Variants in FTO observed in about 807,000 individuals in gnomAD.
FTO encodes FTO alpha-ketoglutarate dependent dioxygenase.
Under a neutral mutation model 63.9 loss-of-function variants are expected in FTO, and 47 were observed. That is an observed-to-expected ratio of 0.74 (90% CI 0.58 to 0.94). The LOEUF is 0.94. Among genes scored for constraint, FTO ranks in the 40% least tolerant of loss-of-function variants. FTO has a pLI of 0.00. For missense variants in FTO, 562 were observed against 618.1 expected (o/e 0.91, Z 0.96); for synonymous variants, 207 against 224.4 (o/e 0.92, Z 0.69).
chr16:54,060,546 G>A (rs2144384081), intron 8 of FTO, among the ~76,000 whole-genome samples: 1 of 152,300 alleles, frequency 6.6e-6, no homozygotes, highest in East Asian at 1.9e-4. Context: ...GTAGTGCTGG[G>A]ATTTGAATCC....
intron 1 of FTO, among the ~76,000 whole-genome samples, chr16:53,762,530 G>T (rs903254993): frequency 6.6e-6 from 1 of 152,112 alleles, no homozygotes; most frequent in Non-Finnish European, 1.5e-5. Flanking sequence ...TATAAGCACC[G>T]AGTGAATGAT....
chr16:54,010,419 CCAAA>C (rs1175971437), intron 8 of FTO, among the ~76,000 whole-genome samples: 1 of 152,044 alleles, frequency 6.6e-6, no homozygotes, highest in Non-Finnish European at 1.5e-5. Context: ...AACCGACCAG[CCAAA>C]CAAACAAACA....
Position 53,810,169 on chromosome 16 carries a change from C to T in FTO, c.75C>T (p.Asp25=), listed in dbSNP as rs750855307. The T allele has an allele frequency of 6.2e-7, 1 of 1,611,538 alleles. No homozygotes were observed. Among genetic ancestry groups the T allele is most frequent in the Non-Finnish European group, 8.5e-7 (1 of 1,178,290 alleles). The change falls in exon 2 of 9, where the codon GAC becomes GAT. Residue 25 remains aspartate, a synonymous_variant. Coordinates refer to ENST00000471389, the MANE Select transcript of FTO (RefSeq NM_001080432.3). ...TGAGGCTTCTTGAAGAGCTTGAAGA[C>T]ACTTGGCTCCCTTATCTGACCCCCA... is the stretch of plus-strand genomic sequence containing the variant. ...KKLRLLEELE[D]TWLPYLTPKD... is the part of the protein sequence containing the mutation.
intron 8 of FTO, among the ~76,000 whole-genome samples, chr16:54,051,191 A>G (rs2085303994): frequency 6.6e-6 from 1 of 152,216 alleles, no homozygotes; most frequent in South Asian, 2.1e-4. Flanking sequence ...GGGAAAGGGT[A>G]AATGTTGCTA....
intron 1 of FTO, among the ~76,000 whole-genome samples, chr16:53,725,639 A>T (rs1262266868): frequency 6.6e-6 from 1 of 152,228 alleles, no homozygotes; most frequent in Non-Finnish European, 1.5e-5. Flanking sequence ...TAGGGCAATT[A>T]GTTGACCTTT....
intron 7 of FTO, among the ~76,000 whole-genome samples, chr16:53,895,276 T>G (rs1485713232): frequency 2.0e-5 from 3 of 152,204 alleles, no homozygotes; most frequent in African/African-American, 4.8e-5. Flanking sequence ...TCTGTACCTT[T>G]AGTAAGGAAT....
chr16:53,741,972 C>T (rs556174114), intron 1 of FTO, among the ~76,000 whole-genome samples: 1 of 152,264 alleles, frequency 6.6e-6, no homozygotes, highest in South Asian at 2.1e-4. Flanking sequence ...GAATCAATTC[C>T]TTGCCACGTT....
chr16:53,975,646 C>T (rs1345774680), intron 8 of FTO, among the ~76,000 whole-genome samples: 1 of 149,972 alleles, frequency 6.7e-6, no homozygotes, highest in African/African-American at 2.5e-5. Context: ...ATCTTACCCT[C>T]ATCCTGTCAT....
At chr16:53,797,134 A>G (rs2078096826) in intron 1 of FTO, among the ~76,000 whole-genome samples, 1 of 152,218 alleles carries the variant, frequency 6.6e-6, no homozygotes, top group Non-Finnish European at 1.5e-5. Flanking sequence ...CAAAATTGTG[A>G]GACAGGCACA....
chr16:53,857,943 T>A lies in FTO; in HGVS notation c.895+13645T>A, dbSNP rs2080055677. 3.3e-5 allele frequency among the ~76,000 whole-genome samples: 5 copies of A among 152,224 alleles called. No homozygotes were observed. The South Asian group carries it at 1.0e-3, about 32-fold the overall frequency. Reference sequence around the variant, plus strand: ...TTTTTAAACCAGTTTTTAACAATTATTTTCAAGAACTGTTTAGTGATAAGA... The same window carrying A: ...TTTTTAAACCAGTTTTTAACAATTAATTTCAAGAACTGTTTAGTGATAAGA... On this transcript the variant is annotated intron_variant, in intron 4 of 8. Coordinates refer to ENST00000471389, the MANE Select transcript of FTO (RefSeq NM_001080432.3).
At chr16:53,811,240 A>G (rs2078512012) in intron 2 of FTO, among the ~76,000 whole-genome samples, 1 of 152,232 alleles carries the variant, frequency 6.6e-6, no homozygotes, top group Non-Finnish European at 1.5e-5. Flanking sequence ...CCCTCTGGGC[A>G]TGTAAAAATA....
chr16:53,830,244 T>C (rs1270452879), intron 3 of FTO, among the ~76,000 whole-genome samples: 1 of 152,238 alleles, frequency 6.6e-6, no homozygotes, highest in Non-Finnish European at 1.5e-5. Context: ...ATTGAAATGG[T>C]ACAATTTTTA....
At chr16:53,937,165 G>A (rs1200579415) in intron 8 of FTO, 1 of 398,328 alleles carries the variant, frequency 2.5e-6, no homozygotes, top group Non-Finnish European at 4.4e-6. Flanking sequence ...TCTGAGTGCT[G>A]TGGGTTTCCT....
At chr16:54,075,269 T>C (rs2085965311) in intron 8 of FTO, among the ~76,000 whole-genome samples, 1 of 152,308 alleles carries the variant, frequency 6.6e-6, no homozygotes, top group African/African-American at 2.4e-5. Flanking sequence ...GAATATCTGT[T>C]GGTAATGGCA....
At chr16:53,756,249 C>T (rs907205345) in intron 1 of FTO, among the ~76,000 whole-genome samples, 1 of 152,142 alleles carries the variant, frequency 6.6e-6, no homozygotes, top group African/African-American at 2.4e-5. Flanking sequence ...AAAATGATAA[C>T]GAGGACTGGT....
intron 8 of FTO, among the ~76,000 whole-genome samples, chr16:54,058,981 G>A (rs190932045): frequency 3.4e-4 from 52 of 152,216 alleles, no homozygotes; most frequent in Admixed American, 7.9e-4. Flanking sequence ...TATGTGTCTC[G>A]CTTATGGAAT....
intron 8 of FTO, among the ~76,000 whole-genome samples, chr16:54,011,315 A>T (rs1441303848): frequency 6.6e-6 from 1 of 152,222 alleles, no homozygotes; most frequent in African/African-American, 2.4e-5. Flanking sequence ...TTCAGTTGCA[A>T]AGCATAGCTC....
intron 7 of FTO, among the ~76,000 whole-genome samples, chr16:53,927,965 T>C (rs1329355254): frequency 1.3e-5 from 2 of 152,208 alleles, no homozygotes; most frequent in Non-Finnish European, 2.9e-5. Context: ...TAGCATAACC[T>C]AGCACAAGGT....
At chr16:53,941,644 C>T (rs905945710) in intron 8 of FTO, among the ~76,000 whole-genome samples, 1 of 152,052 alleles carries the variant, frequency 6.6e-6, no homozygotes, top group African/African-American at 2.4e-5. Context: ...CTCAGGAGTT[C>T]GAGAACAGCC....
Sources: gnomAD v4.1 joint callset for allele counts (sites outside exome capture counted in the v4.1 genomes callset) on GRCh38, gnomAD v4.1.1 for gene constraint, MANE v1.5 for transcripts, NCBI Gene and HGNC (gene_info 2026-07-23, HGNC 2026-07-21) for gene names.